Variants in WLS observed in about 807,000 individuals in gnomAD.
WLS encodes protein wntless homolog.
In WLS, 23 loss-of-function variants were observed where a neutral mutation model predicts 62.8. The observed-to-expected ratio is 0.37, with a 90% confidence interval of 0.26 to 0.52. WLS has a LOEUF of 0.52. WLS is among the 20% of genes least tolerant of loss of function. The pLI, the probability that WLS is intolerant of heterozygous loss-of-function variation, is 0.92. For missense variants in WLS, 615 were observed against 697.3 expected (o/e 0.88, Z 1.33); for synonymous variants, 246 against 244.1 (o/e 1.01, Z -0.07).
chr1:68,212,642 C>T (rs1649561302), intron 1 of WLS, among the ~76,000 whole-genome samples: 1 of 152,126 alleles, frequency 6.6e-6, no homozygotes. Flanking sequence ...TCTTACACTG[C>T]TCTATTTTAT....
At chr1:68,155,578 A>G (rs946269118) in intron 3 of WLS, among the ~76,000 whole-genome samples, 1 of 152,172 alleles carries the variant, frequency 6.6e-6, no homozygotes, top group African/African-American at 2.4e-5. Flanking sequence ...AGAACCTCGC[A>G]TCTTACGAAT....
rs569517453 is a variant in WLS, at chr1:68,140,131, C to T, written c.1363-2198G>A. Reference sequence around the variant, plus strand: ...ACACATTATTTAGTCTTATTAATGACGCTGTGAGGTAGGTAGGTAATATTT... The same window carrying T: ...ACACATTATTTAGTCTTATTAATGATGCTGTGAGGTAGGTAGGTAATATTT... On this transcript the variant is annotated intron_variant, in intron 10 of 11. Transcript: ENST00000262348. 6.6e-5 allele frequency among the ~76,000 whole-genome samples: 10 copies of T among 152,270 alleles called. No individual in the cohort carries two copies. The South Asian group carries it at 8.3e-4, about 13-fold the overall frequency.
downstream of WLS, among the ~76,000 whole-genome samples, chr1:68,123,094 C>T (rs910593991): frequency 3.9e-5 from 6 of 152,134 alleles, no homozygotes; most frequent in South Asian, 2.1e-4. Context: ...CACTTCCCTG[C>T]GGACTAAAAA....
At chr1:68,158,555 C>A (rs561160908) in intron 3 of WLS, among the ~76,000 whole-genome samples, 2 of 151,466 alleles carry the variant, frequency 1.3e-5, no homozygotes, top group Non-Finnish European at 2.9e-5. Flanking sequence ...TTGTCTTGAG[C>A]CACACATAAA....
At chr1:68,162,662 T>C in intron 2 of WLS, 1 of 1,241,210 alleles carries the variant, frequency 8.1e-7, no homozygotes, top group Non-Finnish European at 1.2e-6. Flanking sequence ...TGGTACAGAT[T>C]GAGGATGTGG....
At chr1:68,170,166 T>TC (rs1553131212) in intron 2 of WLS, among the ~76,000 whole-genome samples, 3 of 136,942 alleles carry the variant, frequency 2.2e-5, no homozygotes, top group African/African-American at 8.1e-5. Context: ...ATTTCTTTTT[T>TC]TTTTTTTTTT....
intron 5 of WLS, among the ~76,000 whole-genome samples, chr1:68,152,232 C>G (rs1313889229): frequency 6.6e-6 from 1 of 152,166 alleles, no homozygotes; most frequent in Non-Finnish European, 1.5e-5. Flanking sequence ...AAGTAAAGAG[C>G]TGGAATATTT....
chr1:68,187,244 A>T lies in WLS; in HGVS notation c.379+6711T>A, dbSNP rs140845817. Among the ~76,000 whole-genome samples the T allele has an allele frequency of 1.4e-3, 208 of 151,060 alleles. 1 individual carries two copies. The highest frequency in any genetic ancestry group is 4.9e-3 in the African/African-American group (203 of 41,226). On this transcript the variant is annotated intron_variant, in intron 2 of 11. Coordinates refer to ENST00000262348, the MANE Select transcript of WLS (RefSeq NM_024911.7). ...CCAAAATGTGTTGCTGCTACTCATG[A>T]AAAGTATTTTTTGGTGTGGTTTTCT...
At chr1:68,199,522 A>G (rs1202071167) in intron 1 of WLS, among the ~76,000 whole-genome samples, 1 of 152,168 alleles carries the variant, frequency 6.6e-6, no homozygotes, top group Non-Finnish European at 1.5e-5. Flanking sequence ...GAATATCTAA[A>G]ACAATCATAT....
At chr1:68,161,959 G>A in intron 2 of WLS, 2 of 1,609,572 alleles carry the variant, frequency 1.2e-6, no homozygotes, top group Non-Finnish European at 8.5e-7. Context: ...ATTGAGCTCA[G>A]GATGAATTGC....
intron 11 of WLS, among the ~76,000 whole-genome samples, chr1:68,105,518 T>G (rs965168209): frequency 1.3e-5 from 2 of 152,234 alleles, no homozygotes; most frequent in Non-Finnish European, 2.9e-5. Context: ...AGTAGCAACT[T>G]TGAAAATTCC....
chr1:68,184,292 G>T (rs988563127), intron 2 of WLS, among the ~76,000 whole-genome samples: 55 of 152,332 alleles, frequency 3.6e-4, no homozygotes, highest in African/African-American at 1.3e-3. Flanking sequence ...GGTATACTAA[G>T]TGTATGACTT....
downstream of WLS, among the ~76,000 whole-genome samples, chr1:68,124,435 T>C (rs1476538153): frequency 6.6e-6 from 1 of 152,208 alleles, no homozygotes; most frequent in African/African-American, 2.4e-5. Flanking sequence ...TTTGCATCTT[T>C]CTTCTATGAT....
At chr1:68,135,787 A>G (rs1235347487) in intron 11 of WLS, among the ~76,000 whole-genome samples, 1 of 152,162 alleles carries the variant, frequency 6.6e-6, no homozygotes, top group Non-Finnish European at 1.5e-5. Context: ...CTTGTCCACA[A>G]GCCCAGCAGT....
chr1:68,187,153 C>T (rs895417894), intron 2 of WLS, among the ~76,000 whole-genome samples: 3 of 131,178 alleles, frequency 2.3e-5, no homozygotes, highest in Non-Finnish European at 4.6e-5. Flanking sequence ...CGTGCCACTG[C>T]ACTCCAGCCT....
At chr1:68,170,733 C>A (rs1647141113) in intron 2 of WLS, among the ~76,000 whole-genome samples, 1 of 151,908 alleles carries the variant, frequency 6.6e-6, no homozygotes, top group African/African-American at 2.4e-5. Context: ...TCCCACAGTA[C>A]CTTGTTCACC....
intron 11 of WLS, among the ~76,000 whole-genome samples, chr1:68,106,726 G>GTA (rs201250200): frequency 0.14 from 10,802 of 79,032 alleles, 473 homozygotes; most frequent in Non-Finnish European, 0.18. Flanking sequence ...CTGTGTGTGT[G>GTA]TGTGTGTGTG....
Position 68,160,349 on chromosome 1 carries a change from A to T in WLS, c.380-1102T>A, listed in dbSNP as rs112069937. On this transcript the variant is annotated intron_variant, in intron 2 of 11. Coordinates refer to ENST00000262348, the MANE Select transcript of WLS (RefSeq NM_024911.7). Reference sequence around the variant, plus strand: ...GACTTAGCTCTAACCCACCATTACAACTTAAGGACGGCATGACTTGATAAT... The same window carrying T: ...GACTTAGCTCTAACCCACCATTACATCTTAAGGACGGCATGACTTGATAAT... Among the ~76,000 whole-genome samples, 50 of 152,200 alleles carry T rather than the reference A, an allele frequency of 3.3e-4. 1 individual carries two copies. The highest frequency in any genetic ancestry group is 1.2e-3 in the African/African-American group (50 of 41,518).
In WLS at chr1:68,159,156, T is replaced by C; in HGVS notation, c.471A>G (p.Pro157=). 1 of 1,614,126 alleles carries C rather than the reference T, an allele frequency of 6.2e-7. No individual in the cohort carries two copies. Among genetic ancestry groups the C allele is most frequent in the Non-Finnish European group, 8.5e-7 (1 of 1,180,008 alleles). The part of the protein sequence containing the change: ...EWTEMAHERV[P]RKLKCTFTSP... ...ATGTGAAGGTGCATTTGAGTTTCCG[T>C]GGTACTCTTTCATGGGCCATTTCAG... Residue 157 remains proline (P), a synonymous_variant, in exon 3 of 12, where the codon CCA becomes CCG. Transcript: ENST00000262348.
Sources: allele counts gnomAD v4.1 joint callset (sites outside exome capture counted in the v4.1 genomes callset), GRCh38; gene constraint gnomAD v4.1.1; transcripts MANE v1.5; gene names NCBI Gene and HGNC (gene_info 2026-07-23, HGNC 2026-07-21).